APOB: variants seen among roughly 807,000 people sequenced by gnomAD.
The protein encoded by APOB is apolipoprotein B-100.
In APOB, 153 loss-of-function variants were observed where a neutral mutation model predicts 314.1. The observed-to-expected ratio is 0.49, with a 90% CI of 0.43 to 0.56. The LOEUF (loss-of-function observed/expected upper bound fraction) is 0.56. Ranked by LOEUF, APOB falls within the 20% of genes least tolerant of loss-of-function variation. APOB has a pLI of 0.00. For synonymous variants in APOB, 2,087 were observed against 2,036.4 expected (o/e 1.02, Z -0.67); for missense variants, 5,430 against 5,350.7 (o/e 1.01, Z -0.46).
chr2:21,011,360 T>C lies in APOB; in HGVS notation c.5508A>G (p.Ile1836Met). The C allele has an allele frequency of 6.2e-7, 1 of 1,614,198 alleles. No individual in the cohort carries two copies. ...CAGAAGAGATGGCATAGATGTGTTTTATTTCATTATTTTGGTAGGCTCCTT... is the reference window on the plus strand; with the variant it reads ...CAGAAGAGATGGCATAGATGTGTTTCATTTCATTATTTTGGTAGGCTCCTT... ...NLKGAYQNNE[I>M]KHIYAISSAA... The change falls in exon 26 of 29, where the codon ATA becomes ATG. Residue 1836 changes from isoleucine (I) to methionine (M), a missense_variant. Physicochemically the swap from Ile to Met is conservative, Grantham distance 10 (BLOSUM62 1). Coordinates refer to ENST00000233242, the MANE Select transcript of APOB (RefSeq NM_000384.3).
intron 12 of APOB, 67 bp from the exon 13 acceptor site, chr2:21,028,605 A>T (rs929936493): frequency 4.6e-6 from 5 of 1,076,130 alleles, no homozygotes; most frequent in African/African-American, 3.1e-5. Context: ...CCTGGCAAAC[A>T]CTGGCATTGT....
Position 21,034,850 on chromosome 2 carries a change from G to A in APOB, c.870C>T (p.Asp290=), listed in dbSNP as rs1249689743. 6.2e-7 allele frequency: 1 copy of A among 1,606,300 alleles called. No homozygotes were observed. Among genetic ancestry groups the A allele is most frequent in the Non-Finnish European group, 8.5e-7 (1 of 1,172,832 alleles). ...AQVTQTLKLE[D]TPKINSRFFG... is the part of the protein sequence containing the mutation. ...AGAAGCGGCTGTTGATCTTTGGTGT[G>A]TCTTCAAGTTTCAAAGTCTGTGTCA... Residue 290 remains aspartate, a synonymous_variant, in exon 8 of 29, where the codon GAC becomes GAT. Transcript: ENST00000233242.
Position 21,007,979 on chromosome 2 carries a change from G to A in APOB, c.8889C>T (p.Ile2963=), listed in dbSNP as rs72653097. ...PLTSFGLSNK[I]NSKHLRVNQN... ...GGTTTACTCTTAGGTGTTTGCTATT[G>A]ATCTTATTGGACAGTCCAAAGGAAG... Residue 2963 remains isoleucine (I), a synonymous_variant, in exon 26 of 29, where the codon ATC becomes ATT. Coordinates refer to ENST00000233242, the MANE Select transcript of APOB (RefSeq NM_000384.3). 3.6e-4 allele frequency: 580 copies of A among 1,614,050 alleles called. 1 individual carries two copies. In the African/African-American group the frequency reaches 6.9e-3, roughly 19 times the overall value.
chr2:21,027,570 C>T (rs1016258046), intron 14 of APOB, among the ~76,000 whole-genome samples: 2 of 152,186 alleles, frequency 1.3e-5, no homozygotes, highest in Admixed American at 6.5e-5. Context: ...GCCTCGGCCT[C>T]CCAAAGTGCT....
rs768447274 is a variant in APOB at position 21,007,802 on chromosome 2, A to T, written c.9066T>A (p.Asp3022Glu). The change falls in exon 26 of 29, where the codon GAT becomes GAA. Residue 3022 changes from aspartate (D) to glutamate (E), a missense_variant. Transcript: ENST00000233242. ...CAATAACCTTTCCATTTAAATGAGCATCATGCCTCCCAGTAAACTCTGCCT... is the reference window on the plus strand; with the variant it reads ...CAATAACCTTTCCATTTAAATGAGCTTCATGCCTCCCAGTAAACTCTGCCT... ...EGKAEFTGRH[D>E]AHLNGKVIGT... 5 of 1,613,986 alleles carry T rather than the reference A, an allele frequency of 3.1e-6. No individual in the cohort carries two copies. The highest frequency in any genetic ancestry group is 4.2e-6 in the Non-Finnish European group (5 of 1,179,976).
At position 21,038,131 on chromosome 2, in the gene APOB, G is replaced by C. The variant is rs755351691; in HGVS notation, c.384-20C>G. On this transcript the variant is annotated intron_variant, in intron 4 of 28. Coordinates refer to ENST00000233242, the MANE Select transcript of APOB (RefSeq NM_000384.3). ...TCATACCTGTCCCAGAGAGAGGATG[G>C]TCACGGAAATGTCCTTCTCCATTAC... 1.2e-6 allele frequency: 2 copies of C among 1,613,324 alleles called. No homozygotes were observed. The highest frequency in any genetic ancestry group is 1.3e-5 in the African/African-American group (1 of 75,028).
At chr2:21,034,766 G>A in intron 8 of APOB, 50 bp downstream of exon 8, 1 of 1,032,428 alleles carries the variant, frequency 9.7e-7, no homozygotes, top group Non-Finnish European at 1.5e-6. Flanking sequence ...AGCCATGATA[G>A]GCACATCTTG....
At position 21,001,764 on chromosome 2, in the gene APOB, T is replaced by C; in HGVS notation, c.13658A>G (p.Lys4553Arg). 6.2e-7 allele frequency: 1 copy of C among 1,613,998 alleles called. No homozygotes were observed. Among genetic ancestry groups the C allele is most frequent in the Non-Finnish European group, 8.5e-7 (1 of 1,179,924 alleles). Residue 4553 changes from lysine (K) to arginine (R), a missense_variant, in exon 29 of 29, where the codon AAG becomes AGG. This residue lies in a region of APOB where 3,281 missense variants were observed against 3,171.0 expected (regional missense o/e 1.03). Transcript: ENST00000233242. Reference sequence around the variant, plus strand: ...GATAGTAAGTTCTCCTGGAGCAAGCTTCATGTAGGGGTTCATGACTGTGGT... The same window carrying C: ...GATAGTAAGTTCTCCTGGAGCAAGCCTCATGTAGGGGTTCATGACTGTGGT... ...QSTTVMNPYM[K>R]LAPGELTIIL
In APOB at chr2:21,016,623, T is replaced by A. The variant is rs1663473049; in HGVS notation, c.3148A>T (p.Thr1050Ser). ...ATACTCTGCCGATTATATTTGAATG[T>A]CATGGTAGCCTCAGTCTGCTTCGCA... ...EGAKQTEATM[T>S]FKYNRQSMTL... The change falls in exon 21 of 29, where the codon ACA becomes TCA. Residue 1050 changes from threonine (T) to serine (S), a missense_variant. Around this residue, in one of 3 missense-constraint regions of APOB, gnomAD observed 2,085 missense variants for 2,079.7 expected, o/e 1.00. Transcript: ENST00000233242. 6.2e-7 allele frequency: 1 copy of A among 1,610,432 alleles called. No individual in the cohort carries two copies. Among genetic ancestry groups the A allele is most frequent in the African/African-American group, 1.3e-5 (1 of 74,938 alleles).
At chr2:21,012,723 C>A in intron 25 of APOB, 72 bp from the exon 26 acceptor site, 1 of 1,532,224 alleles carries the variant, frequency 6.5e-7, no homozygotes, top group South Asian at 1.2e-5. Context: ...TGTTGAAAGT[C>A]TTTCAATAAT....
At position 21,035,711 on chromosome 2, in the gene APOB, A is replaced by G. The variant is rs770941753; in HGVS notation, c.694-3T>C. The G allele has an allele frequency of 8.1e-6, 13 of 1,613,942 alleles. No individual in the cohort carries two copies. The highest frequency in any genetic ancestry group is 1.0e-5 in the Non-Finnish European group (12 of 1,180,000). On this transcript the variant is annotated splice_region_variant and splice_polypyrimidine_tract_variant and intron_variant, in intron 6 of 28. Coordinates refer to ENST00000233242, the MANE Select transcript of APOB (RefSeq NM_000384.3). ...ATCAGAGTTGACAAGGGGCGGGTCT[A>G]TGAAAGAGATTGGAGACGAGCATTT...
At chr2:21,038,633 G>T (rs972238076) in intron 4 of APOB, among the ~76,000 whole-genome samples, 1 of 152,220 alleles carries the variant, frequency 6.6e-6, no homozygotes, top group South Asian at 2.1e-4. Context: ...ACCAGGTCCA[G>T]CTGTGTTTTA....
At position 21,001,693 on chromosome 2, in the gene APOB, T is replaced by C. The variant is rs1219932931; in HGVS notation, c.*37A>G. 6.2e-7 allele frequency: 1 copy of C among 1,606,222 alleles called. No homozygotes were observed. Among genetic ancestry groups the C allele is most frequent in the African/African-American group, 1.3e-5 (1 of 74,674 alleles). On this transcript the variant is annotated 3_prime_UTR_variant, in exon 29 of 29. Coordinates refer to ENST00000233242, the MANE Select transcript of APOB (RefSeq NM_000384.3). The stretch of plus-strand genomic sequence containing the variant: ...TTTCTGTGCTATGTGAAAGTTCAAT[T>C]GGAAAAGAAGAATAAATGAAGATTT...
At position 21,010,707 on chromosome 2, in the gene APOB, A is replaced by G. The variant is rs538245770; in HGVS notation, c.6161T>C (p.Ile2054Thr). 3.1e-6 allele frequency: 5 copies of G among 1,614,038 alleles called. No individual in the cohort carries two copies. The highest frequency in any genetic ancestry group is 2.7e-5 in the African/African-American group (2 of 75,034). ...DAVEKPQEFT[I>T]VAFVKYDKNQ... The stretch of plus-strand genomic sequence containing the variant: ...TTTATCATACTTTACAAAAGCAACA[A>G]TTGTAAATTCTTGGGGCTTCTCAAC... The change falls in exon 26 of 29, where the codon ATT becomes ACT. Residue 2054 changes from isoleucine (I) to threonine (T), a missense_variant. Ile to Thr is a moderately conservative substitution (Grantham distance 89, BLOSUM62 -1). Coordinates refer to ENST00000233242, the MANE Select transcript of APOB (RefSeq NM_000384.3).
Position 21,010,333 on chromosome 2 carries a change from T to C in APOB, c.6535A>G (p.Ile2179Val). The change falls in exon 26 of 29, where the codon ATA becomes GTA. Residue 2179 changes from isoleucine (I) to valine (V), a missense_variant. Physicochemically the swap from Ile to Val is conservative, Grantham distance 29 (BLOSUM62 3). This residue lies in a region of APOB where 3,281 missense variants were observed against 3,171.0 expected (regional missense o/e 1.03). Transcript: ENST00000233242. ...TCTTTAATATACTGATCAAATTGTA[T>C]CATATATGTCTGCAGTTGAGATAGT... ...EKLSQLQTYMIQFDQYIKDSY... is the reference protein window; with the variant it reads ...EKLSQLQTYMVQFDQYIKDSY... 2 of 1,559,856 alleles carry C rather than the reference T, an allele frequency of 1.3e-6. No individual in the cohort carries two copies.
rs149856823 is a variant in APOB at position 21,007,179 on chromosome 2, A to C, written c.9689T>G (p.Phe3230Cys). ...AGATTTTTCAGCTTTGTACTTATCA[A>C]ACTTAATTTTTGTTTCATTATAGGA... ...TKSYNETKIK[F>C]DKYKAEKSHD... The change falls in exon 26 of 29, where the codon TTT becomes TGT. Residue 3230 changes from phenylalanine to cysteine, a missense_variant. Phe to Cys is a radical substitution (Grantham distance 205). Around this residue, in one of 3 missense-constraint regions of APOB, gnomAD observed 3,281 missense variants for 3,171.0 expected, o/e 1.03. Transcript: ENST00000233242. 2 of 1,613,924 alleles carry C rather than the reference A, an allele frequency of 1.2e-6. No individual in the cohort carries two copies. Among genetic ancestry groups the C allele is most frequent in the Non-Finnish European group, 1.7e-6 (2 of 1,179,928 alleles).
Position 21,007,848 on chromosome 2 carries a change from A to T in APOB, c.9020T>A (p.Met3007Lys), listed in dbSNP as rs369430233. The change falls in exon 26 of 29, where the codon ATG becomes AAG. Residue 3007 changes from methionine to lysine, a missense_variant. Met to Lys is a moderately conservative substitution (Grantham distance 95). Transcript: ENST00000233242. ...VGHSVLTAKG[M>K]ALFGEGKAEF... ...TGCCTTCCCTTCTCCAAACAGTGCC[A>T]TGCCTTTAGCAGTTAGAACACTGTG... 12 of 1,614,098 alleles carry T rather than the reference A, an allele frequency of 7.4e-6. No homozygotes were observed. The South Asian group carries it at 1.3e-4, about 18-fold the overall frequency.
chr2:21,041,078 C>T lies in APOB; in HGVS notation c.243G>A (p.Glu81=). ...AGCTGCAGAGCTGGGGAACCTCCAG[C>T]TCAACCTGAGAATTCAGGGTAGCAG... ...RSATRINCKV[E]LEVPQLCSFI... The change falls in exon 4 of 29, where the codon GAG becomes GAA. Residue 81 remains glutamate, a synonymous_variant. Transcript: ENST00000233242. The T allele has an allele frequency of 6.2e-7, 1 of 1,611,834 alleles. No homozygotes were observed. Among genetic ancestry groups the T allele is most frequent in the East Asian group, 2.2e-5 (1 of 44,862 alleles).
chr2:21,039,076 A>G (rs1664074025), intron 4 of APOB, among the ~76,000 whole-genome samples: 1 of 152,140 alleles, frequency 6.6e-6, no homozygotes. Flanking sequence ...TTATGTGCCT[A>G]TCTTCACACA....
Sources: gnomAD v4.1 joint callset for allele counts (sites outside exome capture counted in the v4.1 genomes callset) on GRCh38, gnomAD v4.1.1 for gene constraint, gnomAD v4.1.1 regional missense constraint, MANE v1.5 for transcripts, NCBI Gene and HGNC (gene_info 2026-07-23, HGNC 2026-07-21) for gene names.